The following FER variants were observed in gnomAD, a reference collection of about 807,000 sequenced individuals.
FER encodes FER tyrosine kinase.
FER carries 63 observed loss-of-function variants against 111.0 expected under a neutral mutation model. That is an observed-to-expected ratio of 0.57 (90% confidence interval 0.46 to 0.70). The LOEUF is 0.70. Among genes scored for constraint, FER ranks in the 30% least tolerant of loss-of-function variants. The pLI is 0.00. For missense variants in FER, 914 were observed against 954.0 expected (o/e 0.96, Z 0.55); for synonymous variants, 327 against 313.9 (o/e 1.04, Z -0.44).
intron 6 of FER, among the ~76,000 whole-genome samples, chr5:108,869,133 A>G (rs1316317663): frequency 6.6e-6 from 1 of 152,132 alleles, no homozygotes; most frequent in Non-Finnish European, 1.5e-5. Flanking sequence ...TTAAAGGTAA[A>G]ATGATAATTT....
At chr5:108,933,725 C>T (rs1324625014) in intron 10 of FER, among the ~76,000 whole-genome samples, 1 of 152,178 alleles carries the variant, frequency 6.6e-6, no homozygotes, top group Non-Finnish European at 1.5e-5. Context: ...ATTGATTCTT[C>T]CTACCCATGA....
chr5:108,905,851 A>G (rs978429877), intron 10 of FER, among the ~76,000 whole-genome samples: 2 of 152,222 alleles, frequency 1.3e-5, no homozygotes, highest in Non-Finnish European at 2.9e-5. Context: ...AATGGTTTAA[A>G]TGTTAAAATT....
At chr5:108,766,213 T>C (rs2149950012) in intron 1 of FER, among the ~76,000 whole-genome samples, 1 of 152,370 alleles carries the variant, frequency 6.6e-6, no homozygotes, top group East Asian at 1.9e-4. Context: ...ATTACTGGCA[T>C]GAGCCACCTC....
At chr5:109,146,252 T>TAATA (rs1561953686) in intron 17 of FER, among the ~76,000 whole-genome samples, 1 of 47,642 alleles carries the variant, frequency 2.1e-5, no homozygotes, top group East Asian at 3.7e-4. Context: ...ATAATCTATC[T>TAATA]AATATATATA....
chr5:109,108,531 G>T (rs1749223249), intron 17 of FER, among the ~76,000 whole-genome samples: 1 of 151,940 alleles, frequency 6.6e-6, no homozygotes, highest in African/African-American at 2.4e-5. Flanking sequence ...CATGTCACAG[G>T]GACTGCCAGT....
At chr5:109,022,128 A>G (rs1768008889) in intron 13 of FER, among the ~76,000 whole-genome samples, 1 of 152,106 alleles carries the variant, frequency 6.6e-6, no homozygotes, top group African/African-American at 2.4e-5. Flanking sequence ...GTGCCCATAT[A>G]CAGTCCATGC....
chr5:108,993,652 CGAGGGCGAGGGT>C (rs1201501944), intron 13 of FER, among the ~76,000 whole-genome samples: 16,745 of 143,952 alleles, frequency 0.12, 1,033 homozygotes, highest in Middle Eastern at 0.16. Context: ...AGGGCGAGGG[CGAGGGCGAGGGT>C]GAGGGAGAGG....
chr5:109,160,806 T>C (rs2126737186), intron 17 of FER, among the ~76,000 whole-genome samples: 1 of 152,272 alleles, frequency 6.6e-6, no homozygotes, highest in African/African-American at 2.4e-5. Context: ...TGTGTAGCTG[T>C]ATAAAAACAC....
chr5:108,855,943 GA>G (rs1762966368), intron 5 of FER, among the ~76,000 whole-genome samples: 1 of 151,334 alleles, frequency 6.6e-6, no homozygotes, highest in Non-Finnish European at 1.5e-5. Context: ...GTAAAGGGAG[GA>G]TTTTTTTTTT....
intron 13 of FER, among the ~76,000 whole-genome samples, chr5:109,029,425 C>CTTTTTTTTTTTTTTTTTTTTT (rs757282669): frequency 7.7e-5 from 4 of 52,208 alleles, no homozygotes; most frequent in Non-Finnish European, 1.4e-4. Context: ...ATTCATTGTT[C>CTTTTTTTTTTTTTTTTTTTTT]TTTTTTTTTT....
At chr5:108,989,245 T>C (rs1332462159) in intron 13 of FER, among the ~76,000 whole-genome samples, 1 of 152,042 alleles carries the variant, frequency 6.6e-6, no homozygotes, top group African/African-American at 2.4e-5. Flanking sequence ...AAATCAGAAC[T>C]AGTCATTATG....
intron 17 of FER, among the ~76,000 whole-genome samples, chr5:109,152,389 A>G (rs1754944938): frequency 6.6e-6 from 1 of 151,984 alleles, no homozygotes; most frequent in African/African-American, 2.4e-5. Context: ...CCATTTGCCT[A>G]CCCAGAGGGG....
chr5:109,169,058 A>G (rs935019563), intron 17 of FER, among the ~76,000 whole-genome samples: 22 of 152,232 alleles, frequency 1.4e-4, no homozygotes, highest in African/African-American at 5.3e-4. Context: ...ATTTGCTCAG[A>G]CAAATAATCC....
intron 3 of FER, among the ~76,000 whole-genome samples, chr5:108,827,476 C>G (rs1759586531): frequency 6.6e-6 from 1 of 152,146 alleles, no homozygotes; most frequent in African/African-American, 2.4e-5. Flanking sequence ...ATTTTCCTGT[C>G]AAAGTTCTCA....
rs186056722 is a variant in FER, at chr5:108,967,847, A to G, written c.1656+8500A>G. Among the ~76,000 whole-genome samples, 1,515 of 151,726 alleles carry G rather than the reference A, an allele frequency of 1.0e-2. 16 individuals are homozygous for G. The highest frequency in any genetic ancestry group is 0.025 in the South Asian group (119 of 4,788). On this transcript the variant is annotated intron_variant, in intron 13 of 19. Transcript: ENST00000281092. The stretch of plus-strand genomic sequence containing the variant: ...GGTGGGGAAAGTGTGCCAAATGGGA[A>G]GACAGGCTCTCAATGTAGTCCATAG...
intron 17 of FER, among the ~76,000 whole-genome samples, chr5:109,108,427 T>C (rs1189813657): frequency 6.6e-6 from 1 of 152,190 alleles, no homozygotes; most frequent in Non-Finnish European, 1.5e-5. Context: ...AACTAATAAA[T>C]GCTGATTTAG....
chr5:109,021,154 A>G (rs1387216114), intron 13 of FER, among the ~76,000 whole-genome samples: 1 of 152,006 alleles, frequency 6.6e-6, no homozygotes, highest in Non-Finnish European at 1.5e-5. Context: ...GAATATATAT[A>G]ATACGTATAT....
At chr5:108,759,192 C>T (rs563658269) in intron 1 of FER, among the ~76,000 whole-genome samples, 1 of 152,274 alleles carries the variant, frequency 6.6e-6, no homozygotes, top group East Asian at 1.9e-4. Flanking sequence ...AATTGATATC[C>T]TACTTCATCA....
chr5:108,898,386 C>T (rs1749461821), intron 10 of FER, among the ~76,000 whole-genome samples: 1 of 152,136 alleles, frequency 6.6e-6, no homozygotes, highest in South Asian at 2.1e-4. Context: ...TTAAGAATGC[C>T]TAGTATAAAG....
Sources: allele counts gnomAD v4.1 joint callset (sites outside exome capture counted in the v4.1 genomes callset), GRCh38; gene constraint gnomAD v4.1.1; transcripts MANE v1.5; gene names NCBI Gene and HGNC (gene_info 2026-07-23, HGNC 2026-07-21).